Variants in WBP11 observed in about 807,000 individuals in gnomAD.
The protein encoded by WBP11 is WW domain-binding protein 11.
A neutral mutation model predicts 66.7 loss-of-function variants in WBP11; 12 were observed. The ratio of observed to expected loss-of-function variants is 0.18; its 90% confidence interval spans 0.12 to 0.29. The LOEUF (loss-of-function observed/expected upper bound fraction) is 0.29, where lower values mean the gene tolerates loss of function less well. WBP11 is among the 10% of genes least tolerant of loss of function. WBP11 has a pLI of 1.00. For missense variants in WBP11, 555 were observed against 818.3 expected, an observed-to-expected ratio of 0.68 and a Z score of 3.93; for synonymous variants, 255 against 273.8, an observed-to-expected ratio of 0.93 and a Z score of 0.68.
In WBP11 at chr12:14,793,907, T is replaced by C. The variant is rs767849688; in HGVS notation, c.737A>G (p.Asp246Gly). Reference sequence around the variant, plus strand: ...TTCACTGGTGCTAGAAACATCATCATCATGACCTCGCTGGGCTGAAAAGTG... The same window carrying C: ...TTCACTGGTGCTAGAAACATCATCACCATGACCTCGCTGGGCTGAAAAGTG... ...YSPELAQRGHDDDVSSTSEDD... is the reference protein window; with the variant it reads ...YSPELAQRGHGDDVSSTSEDD... Residue 246 changes from aspartate (D) to glycine (G), a missense_variant, in exon 8 of 12, where the codon GAT (aspartate) becomes GGT (glycine). Physicochemically the swap from Asp to Gly is moderately conservative, Grantham distance 94. This residue lies in a region of WBP11 where 220 missense variants were observed against 268.2 expected (regional missense o/e 0.82). Coordinates refer to ENST00000261167, the MANE Select transcript of WBP11 (RefSeq NM_016312.3). 37 of 1,611,080 alleles carry C rather than the reference T, an allele frequency of 2.3e-5. No individual in the cohort carries two copies. Among genetic ancestry groups the C allele is most frequent in the Non-Finnish European group, 2.9e-5 (34 of 1,178,350 alleles).
At chr12:14,791,291 G>T in intron 8 of WBP11, 21 bp from the exon 9 acceptor site, 1 of 1,608,268 alleles carries the variant, frequency 6.2e-7, no homozygotes, top group Non-Finnish European at 8.5e-7. Context: ...AAAGGAGGGA[G>T]TGGAGTAGAT....
rs747831380 is a variant in WBP11, at chr12:14,794,614, T to C, written c.644A>G (p.Tyr215Cys). 2 of 1,614,046 alleles carry C rather than the reference T, an allele frequency of 1.2e-6. No homozygotes were observed. The highest frequency in any genetic ancestry group is 1.7e-6 in the Non-Finnish European group (2 of 1,180,002). Residue 215 changes from tyrosine to cysteine, a missense_variant, in exon 7 of 12, where the codon TAT becomes TGT. Physicochemically the swap from Tyr to Cys is radical, Grantham distance 194. Around this residue, in one of 6 missense-constraint regions of WBP11, gnomAD observed 220 missense variants for 268.2 expected, o/e 0.82. Transcript: ENST00000261167. ...GPPPPQVVQM[Y>C]GRKVGFALDL... ...TAGGGCAAAACCCACTTTACGGCCA[T>C]ACATCTGCACGACTTGAGGAGGAGG...
rs1456101472 is a variant in WBP11, at chr12:14,790,520, T to C, written c.1245A>G (p.Pro415=). The change falls in exon 10 of 12, where the codon CCA becomes CCG. Residue 415 remains proline (P), a synonymous_variant. Transcript: ENST00000261167. ...PPMPGPPPLG[P]PPAPPLRPPG... ...GAGGCCGTAATGGTGGAGCAGGTGG[T>C]GGTCCAAGAGGTGGTGGTCCTGGCA... is the stretch of plus-strand genomic sequence containing the variant. The C allele has an allele frequency of 3.1e-6, 5 of 1,613,996 alleles. No homozygotes were observed. Among genetic ancestry groups the C allele is most frequent in the Middle Eastern group, 3.3e-4 (2 of 6,052 alleles).
In WBP11 at chr12:14,787,340, C is replaced by T; in HGVS notation, c.1651G>A (p.Ala551Thr). Reference protein sequence around the residue: ...IQRPKADDTSAATIEKKATAT... With the variant: ...IQRPKADDTSTATIEKKATAT... ...GTGGCTTTCTTCTCAATGGTGGCTG[C>T]ACTTGTATCATCCGCCTTGGGTCGC... The change falls in exon 12 of 12, where the codon GCA becomes ACA. Residue 551 changes from alanine to threonine, a missense_variant. This residue lies in a region of WBP11 where 230 missense variants were observed against 286.3 expected (regional missense o/e 0.80). Transcript: ENST00000261167. 2 of 1,613,378 alleles carry T rather than the reference C, an allele frequency of 1.2e-6. No individual in the cohort carries two copies. The highest frequency in any genetic ancestry group is 1.7e-6 in the Non-Finnish European group (2 of 1,179,390).
chr12:14,793,968 T>G, intron 7 of WBP11, 46 bp from the exon 8 acceptor site: 1 of 1,463,262 alleles, frequency 6.8e-7, no homozygotes, highest in Non-Finnish European at 9.2e-7. Context: ...GATTGGACCC[T>G]CCACTACATG....
At chr12:14,798,336 G>A (rs1052029895) in intron 4 of WBP11, among the ~76,000 whole-genome samples, 3 of 152,110 alleles carry the variant, frequency 2.0e-5, no homozygotes, top group African/African-American at 7.2e-5. Flanking sequence ...AATAGGGACA[G>A]TGCACCTACC....
intron 1 of WBP11, among the ~76,000 whole-genome samples, chr12:14,802,695 G>T (rs530246259): frequency 2.0e-5 from 3 of 151,914 alleles, no homozygotes; most frequent in East Asian, 1.9e-4. Context: ...ACTGGGGATG[G>T]GGGGGTTAGG....
chr12:14,799,200 T>C (rs1441074949), intron 4 of WBP11, among the ~76,000 whole-genome samples: 2 of 152,218 alleles, frequency 1.3e-5, no homozygotes, highest in East Asian at 1.9e-4. Flanking sequence ...CCTTACTAAA[T>C]GGATAAGTAT....
In WBP11 at chr12:14,784,770, AC is replaced by A. The variant is rs1949732814; in HGVS notation, c.*2294del. On this transcript the variant is annotated 3_prime_UTR_variant, in exon 12 of 12. Transcript: ENST00000261167. ...GTGACACTTTGATAAGGAAATAGTA[AC>A]AAGTCTATCCATATACATGATTAAA... 6.6e-6 allele frequency: 1 copy of A among 152,168 alleles called. No homozygotes were observed. The highest frequency in any genetic ancestry group is 1.5e-5 in the Non-Finnish European group (1 of 68,032). 9.4% of individuals were successfully genotyped at this position (152,168 alleles called of 1,614,324 possible).
In WBP11 at chr12:14,796,797, C is replaced by A. The variant is rs1949899641; in HGVS notation, c.387+10G>T. On this transcript the variant is annotated intron_variant, in intron 5 of 11. Transcript: ENST00000261167. This position sits in a 1 kb window ranked among gnomAD's most constrained non-coding sequence, Gnocchi z 4.5. ...TTTAGTTTATCTCTCAAAAAAAAAA[C>A]CTTGATTACCTTGACAGCATCAAAA... The A allele has an allele frequency of 6.4e-7, 1 of 1,561,630 alleles. No homozygotes were observed. The highest frequency in any genetic ancestry group is 2.1e-5 in the Admixed American group (1 of 47,136).
At chr12:14,791,135 C>G in intron 9 of WBP11, 34 bp downstream of exon 9, 1 of 1,597,840 alleles carries the variant, frequency 6.3e-7, no homozygotes, top group Non-Finnish European at 8.6e-7. Flanking sequence ...GAGGATACAC[C>G]AAAAGGTGAT....
chr12:14,797,739 C>T (rs1315210253), intron 4 of WBP11, among the ~76,000 whole-genome samples: 1 of 152,184 alleles, frequency 6.6e-6, no homozygotes, highest in Non-Finnish European at 1.5e-5. Flanking sequence ...GAGATAAGCT[C>T]TCAGATTTTC....
In WBP11 at chr12:14,797,019, G is replaced by C; in HGVS notation, c.191-16C>G. ...GGGTTAAACTCTAAGAGAAAAAGTAGATTATGGAATTAAATATAAGAGGCC... is the reference window on the plus strand; with the variant it reads ...GGGTTAAACTCTAAGAGAAAAAGTACATTATGGAATTAAATATAAGAGGCC... On this transcript the variant is annotated splice_polypyrimidine_tract_variant and intron_variant, in intron 4 of 11. Transcript: ENST00000261167. 6.4e-7 allele frequency: 1 copy of C among 1,553,612 alleles called. No individual in the cohort carries two copies. Among genetic ancestry groups the C allele is most frequent in the Admixed American group, 2.2e-5 (1 of 45,774 alleles).
rs1232873868 is a variant in WBP11, at chr12:14,796,301, A to C, written c.387+506T>G. Among the ~76,000 whole-genome samples the C allele has an allele frequency of 6.6e-6, 1 of 152,202 alleles. No individual in the cohort carries two copies. Among genetic ancestry groups the C allele is most frequent in the East Asian group, 1.9e-4 (1 of 5,204 alleles). On this transcript the variant is annotated intron_variant, in intron 5 of 11. Coordinates refer to ENST00000261167, the MANE Select transcript of WBP11 (RefSeq NM_016312.3). The surrounding 1 kb of genome is among the most constrained non-coding windows in gnomAD (Gnocchi z 4.5). ...ATTAGTGAACACTTAGGCTGATCCA[A>C]GTTTTTGAATTAATTTCTTCTGTTT...
chr12:14,794,036 T>G, intron 7 of WBP11, 114 bp from the exon 8 acceptor site: 1 of 390,706 alleles, frequency 2.6e-6, no homozygotes, highest in Admixed American at 8.3e-5. Context: ...ACTTAATTCT[T>G]ACCAAAAAAA....
intron 4 of WBP11, among the ~76,000 whole-genome samples, chr12:14,797,744 ATT>A (rs1949910003): frequency 6.6e-6 from 1 of 152,160 alleles, no homozygotes; most frequent in Non-Finnish European, 1.5e-5. Flanking sequence ...AAGCTCTCAG[ATT>A]TTCTTTCTGA....
At position 14,791,318 on chromosome 12, in the gene WBP11, C is replaced by T. The variant is rs1212822996; in HGVS notation, c.914-48G>A. The T allele has an allele frequency of 4.6e-6, 7 of 1,528,998 alleles. No individual in the cohort carries two copies. The African/African-American group carries it at 6.8e-5, about 15-fold the overall frequency. 94.7% of individuals were successfully genotyped at this position (1,528,998 alleles called of 1,614,324 possible). ...GGAGTAGATTGGCATCAACAAAATT[C>T]AGTAAATGTTTACTACGTAGCACTA... On this transcript the variant is annotated intron_variant, in intron 8 of 11. Transcript: ENST00000261167.
In WBP11 at chr12:14,788,986, C is replaced by T; in HGVS notation, c.1457G>A (p.Gly486Glu). 2 of 1,473,960 alleles carry T rather than the reference C, an allele frequency of 1.4e-6. No individual in the cohort carries two copies. Among genetic ancestry groups the T allele is most frequent in the Non-Finnish European group, 1.8e-6 (2 of 1,120,964 alleles). The allele number at this position is 1,473,960 out of a possible 1,614,324, so 91.3% of individuals were successfully genotyped here. Residue 486 changes from glycine (G) to glutamate (E), a missense_variant, in exon 11 of 12, where the codon GGA becomes GAA. Coordinates refer to ENST00000261167, the MANE Select transcript of WBP11 (RefSeq NM_016312.3). ...PGLPPGPPPRGPPPRLPPPAP... is the reference protein window; with the variant it reads ...PGLPPGPPPREPPPRLPPPAP... ...AGGGGGAGGTAGCCTTGGTGGGGGT[C>T]CACGAGGAGGGGGACCAGGAGGCAG...
chr12:14,799,505 C>G (rs1212647347), intron 4 of WBP11, 130 bp downstream of exon 4: 2 of 866,212 alleles, frequency 2.3e-6, no homozygotes, highest in South Asian at 2.0e-5. Context: ...CTCCCTGAAA[C>G]TAACATTAAA....
Sources: allele counts gnomAD v4.1 joint callset (sites outside exome capture counted in the v4.1 genomes callset), GRCh38; gene constraint gnomAD v4.1.1; regional missense constraint gnomAD v4.1.1; non-coding constraint Gnocchi (gnomAD v3.1); transcripts MANE v1.5; gene names NCBI Gene and HGNC (gene_info 2026-07-23, HGNC 2026-07-21).